EIF4E3: variants seen among roughly 807,000 people sequenced by gnomAD.
EIF4E3 encodes the protein eukaryotic translation initiation factor 4E type 3.
A neutral mutation model predicts 31.7 loss-of-function variants in EIF4E3; 26 were observed. The observed-to-expected ratio is 0.82, with a 90% CI of 0.60 to 1.14. The LOEUF (loss-of-function observed/expected upper bound fraction) is 1.14, where lower values mean the gene tolerates loss of function less well. Among genes scored for constraint, EIF4E3 ranks in the 50% most tolerant of loss-of-function variants. The probability of loss-of-function intolerance (pLI) is 0.00; values close to 1 mark genes in which losing one functional copy is unlikely to be tolerated. For synonymous variants in EIF4E3, 128 were observed against 107.7 expected (o/e 1.19, Z -1.17); for missense variants, 304 against 270.9 (o/e 1.12, Z -0.86).
chr3:71,675,371 G>A (rs1461267662), downstream of EIF4E3: 1 of 152,194 alleles, frequency 6.6e-6, no homozygotes, highest in Non-Finnish European at 1.5e-5. Context: ...AGGCATGTGT[G>A]TCTGCAGATT....
chr3:71,721,301 G>A (rs775486077), intron 1 of EIF4E3, among the ~76,000 whole-genome samples: 4 of 152,178 alleles, frequency 2.6e-5, no homozygotes, highest in South Asian at 2.1e-4. Flanking sequence ...CAAGGCATCC[G>A]GGACGAGAAC....
At position 71,710,481 on chromosome 3, in the gene EIF4E3, G is replaced by A. The variant is rs780768809; in HGVS notation, c.180C>T (p.Ser60=). 72 of 1,551,952 alleles carry A rather than the reference G, an allele frequency of 4.6e-5. No homozygotes were observed. The highest frequency in any genetic ancestry group is 6.1e-5 in the Non-Finnish European group (70 of 1,147,116). The change falls in exon 2 of 7, where the codon TCC becomes TCT. Residue 60 remains serine, a synonymous_variant. Transcript: ENST00000425534. ...ACTCAGCTGCTGTGGCACCAGGGAG[G>A]GATCTAGGCAAGCAGGAGCAGGACA... The part of the protein sequence containing the change: ...HSSWTFWLDR[S]LPGATAAECA...
intron 5 of EIF4E3, 74 bp downstream of exon 5, chr3:71,693,798 TAAC>T: frequency 1.5e-6 from 2 of 1,315,652 alleles, no homozygotes; most frequent in Non-Finnish European, 2.0e-6. Context: ...AAACACGTGA[TAAC>T]AAGCTGCTGC....
intron 3 of EIF4E3, among the ~76,000 whole-genome samples, chr3:71,698,314 T>C (rs571522481): frequency 9.9e-5 from 15 of 152,276 alleles, no homozygotes; most frequent in African/African-American, 3.4e-4. Context: ...ACTCTGGGGA[T>C]GGACAACAAA....
chr3:71,743,498 G>C (rs2049841373), intron 1 of EIF4E3, among the ~76,000 whole-genome samples: 1 of 152,110 alleles, frequency 6.6e-6, no homozygotes, highest in Non-Finnish European at 1.5e-5. Context: ...GAAATGAAGA[G>C]ATACACCTTT....
At chr3:71,705,575 G>A (rs2049280768) in intron 2 of EIF4E3, among the ~76,000 whole-genome samples, 1 of 152,204 alleles carries the variant, frequency 6.6e-6, no homozygotes, top group African/African-American at 2.4e-5. Flanking sequence ...TACCACAAGT[G>A]AGATAGGTGT....
At chr3:71,720,609 A>G (rs1299651330) in intron 1 of EIF4E3, among the ~76,000 whole-genome samples, 1 of 152,190 alleles carries the variant, frequency 6.6e-6, no homozygotes, top group African/African-American at 2.4e-5. Context: ...CAACTTCATA[A>G]AAGAGGTCCT....
intron 3 of EIF4E3, among the ~76,000 whole-genome samples, chr3:71,698,393 C>T (rs1258145627): frequency 6.6e-6 from 1 of 152,184 alleles, no homozygotes; most frequent in Non-Finnish European, 1.5e-5. Context: ...ATGTGATTCT[C>T]CTATCAACCA....
At chr3:71,701,755 T>G (rs1281798298) in intron 2 of EIF4E3, among the ~76,000 whole-genome samples, 5 of 152,156 alleles carry the variant, frequency 3.3e-5, no homozygotes, top group African/African-American at 4.8e-5. Flanking sequence ...CTGAATTAAC[T>G]GCAAAGGTGG....
chr3:71,754,304 G>A (rs1278498561), upstream of EIF4E3: 5 of 1,154,350 alleles, frequency 4.3e-6, no homozygotes, highest in Non-Finnish European at 4.3e-6. This position sits in a 1 kb window ranked among gnomAD's most constrained non-coding sequence, Gnocchi z 5.8. Context: ...CGGCGGCCGC[G>A]GCGGGGGCGC....
intron 1 of EIF4E3, among the ~76,000 whole-genome samples, chr3:71,741,276 G>T (rs1005122968): frequency 1.3e-5 from 2 of 152,064 alleles, no homozygotes; most frequent in African/African-American, 4.8e-5. Context: ...TCCTTAGCTT[G>T]ATGTTATGAG....
chr3:71,718,427 C>T (rs2049497691), intron 1 of EIF4E3, among the ~76,000 whole-genome samples: 1 of 152,182 alleles, frequency 6.6e-6, no homozygotes, highest in East Asian at 1.9e-4. Context: ...CCCTGCCTTC[C>T]TATGGTCATT....
chr3:71,740,561 C>T (rs1382351307), intron 1 of EIF4E3, among the ~76,000 whole-genome samples: 1 of 152,164 alleles, frequency 6.6e-6, no homozygotes, highest in East Asian at 1.9e-4. Context: ...TGGCAAAACA[C>T]CATTTCCACA....
chr3:71,690,216 C>G, intron 5 of EIF4E3, 51 bp from the exon 6 acceptor site: 1 of 1,512,772 alleles, frequency 6.6e-7, no homozygotes, highest in Non-Finnish European at 8.9e-7. Context: ...CCAAGTCAGT[C>G]TGACTGTTTC....
the EIF4E3 span, among the ~76,000 whole-genome samples, chr3:71,667,385 T>C: frequency 6.6e-6 from 1 of 152,184 alleles, no homozygotes; most frequent in Non-Finnish European, 1.5e-5. Context: ...CAACATAGTA[T>C]TGGAAGCTCT....
chr3:71,744,480 C>T (rs908596491), intron 1 of EIF4E3, among the ~76,000 whole-genome samples: 1 of 151,770 alleles, frequency 6.6e-6, no homozygotes, highest in Non-Finnish European at 1.5e-5. Flanking sequence ...GGCACGGTGG[C>T]TCATGCCTGT....
At chr3:71,663,231 T>G in the EIF4E3 span, among the ~76,000 whole-genome samples, 2 of 152,166 alleles carry the variant, frequency 1.3e-5, no homozygotes, top group South Asian at 4.1e-4. Context: ...TTTTCAAATT[T>G]GTATTTCTTT....
chr3:71,700,822 G>A (rs897291851), intron 2 of EIF4E3, among the ~76,000 whole-genome samples: 8 of 152,082 alleles, frequency 5.3e-5, no homozygotes, highest in Non-Finnish European at 7.4e-5. Context: ...ACAGTGTTAC[G>A]GACTGCACAT....
At chr3:71,744,862 C>G (rs2049855320) in intron 1 of EIF4E3, among the ~76,000 whole-genome samples, 3 of 152,226 alleles carry the variant, frequency 2.0e-5, no homozygotes, top group Admixed American at 2.0e-4. Context: ...TGGGTTCATT[C>G]CAGGAAACAG....
Sources: gnomAD v4.1 joint callset for allele counts (sites outside exome capture counted in the v4.1 genomes callset) on GRCh38, gnomAD v4.1.1 for gene constraint, Gnocchi (gnomAD v3.1) non-coding constraint, MANE v1.5 for transcripts, NCBI Gene and HGNC (gene_info 2026-07-23, HGNC 2026-07-21) for gene names.